The following KCNH5 variants were observed in gnomAD, a reference collection of about 807,000 sequenced individuals.
KCNH5 encodes the protein potassium voltage-gated channel subfamily H member 5.
KCNH5 carries 46 observed loss-of-function variants against 96.1 expected under a neutral mutation model. The observed-to-expected ratio is 0.48, with a 90% CI of 0.38 to 0.61. The LOEUF (loss-of-function observed/expected upper bound fraction) is 0.61. Among genes scored for constraint, KCNH5 ranks in the 20% least tolerant of loss-of-function variants. KCNH5 has a pLI of 0.00. For synonymous variants in KCNH5, 439 were observed against 449.8 expected, an observed-to-expected ratio of 0.98 and a Z score of 0.30; for missense variants, 907 against 1,225.8, an observed-to-expected ratio of 0.74 and a Z score of 3.88.
intron 8 of KCNH5, among the ~76,000 whole-genome samples, chr14:62,823,052 A>G (rs964604555): frequency 3.9e-5 from 6 of 151,972 alleles, no homozygotes; most frequent in Non-Finnish European, 7.4e-5. Flanking sequence ...CTAATTCAGC[A>G]TGCTCTCCAG....
rs750395092 is a variant in KCNH5, at chr14:62,707,672, C to T, written c.2803G>A (p.Val935Met). 9 of 1,589,508 alleles carry T rather than the reference C, an allele frequency of 5.7e-6. No homozygotes were observed. The highest frequency in any genetic ancestry group is 7.7e-6 in the Non-Finnish European group (9 of 1,163,544). Residue 935 changes from valine to methionine, a missense_variant, in exon 11 of 11, where the codon GTG (valine) becomes ATG (methionine). Coordinates refer to ENST00000322893, the MANE Select transcript of KCNH5 (RefSeq NM_139318.5). ...GACAGTATTTTTAAAATTTCTGCCA[C>T]CTGCTTTTCTAGGGCAGTCATTCTG... ...SCRMTALEKQ[V>M]AEILKILSEK...
intron 4 of KCNH5, among the ~76,000 whole-genome samples, chr14:62,990,785 A>C (rs1890794149): frequency 6.6e-6 from 1 of 152,088 alleles, no homozygotes; most frequent in Non-Finnish European, 1.5e-5. Flanking sequence ...AAAGAGGTTT[A>C]ATTGACTCAC....
At chr14:62,914,015 A>T (rs1336172156) in intron 7 of KCNH5, among the ~76,000 whole-genome samples, 2 of 152,214 alleles carry the variant, frequency 1.3e-5, no homozygotes, top group African/African-American at 4.8e-5. Flanking sequence ...AAATCCCAGT[A>T]ATGAATGTAA....
intron 10 of KCNH5, among the ~76,000 whole-genome samples, chr14:62,717,919 C>A (rs1397884527): frequency 6.6e-6 from 1 of 152,166 alleles, no homozygotes; most frequent in Non-Finnish European, 1.5e-5. Flanking sequence ...GTGGTATACA[C>A]CACGGAATAC....
At chr14:62,893,141 C>T (rs558374285) in intron 7 of KCNH5, among the ~76,000 whole-genome samples, 67 of 152,098 alleles carry the variant, frequency 4.4e-4, no homozygotes, top group Non-Finnish European at 8.4e-4. Flanking sequence ...ATTCTAGAGG[C>T]CATTTGGAAC....
At chr14:62,888,374 A>G (rs2140082801) in intron 7 of KCNH5, among the ~76,000 whole-genome samples, 1 of 152,318 alleles carries the variant, frequency 6.6e-6, no homozygotes, top group South Asian at 2.1e-4. Flanking sequence ...CTGTAATTCA[A>G]TAGATGAAAT....
rs1885254439 is a variant in KCNH5 at position 62,740,701 on chromosome 14, C to T, written c.2020-32246G>A. Among the ~76,000 whole-genome samples, 5 of 152,014 alleles carry T rather than the reference C, an allele frequency of 3.3e-5. No individual in the cohort carries two copies. In the South Asian group the frequency reaches 1.0e-3, roughly 32 times the overall value. The stretch of plus-strand genomic sequence containing the variant: ...TGAGCTACACATAAAAGATATTTAA[C>T]ATGGAGGTAGAAATGCAGGTTAGTG... On this transcript the variant is annotated intron_variant, in intron 10 of 10. Coordinates refer to ENST00000322893, the MANE Select transcript of KCNH5 (RefSeq NM_139318.5).
At chr14:62,931,350 A>T (rs1406007393) in intron 7 of KCNH5, among the ~76,000 whole-genome samples, 2 of 152,138 alleles carry the variant, frequency 1.3e-5, no homozygotes, top group Non-Finnish European at 1.5e-5. Flanking sequence ...ATGACAGAGG[A>T]GCATGAACCA....
intron 10 of KCNH5, among the ~76,000 whole-genome samples, chr14:62,764,393 A>G (rs1013956684): frequency 2.6e-5 from 4 of 152,212 alleles, no homozygotes; most frequent in African/African-American, 9.6e-5. Context: ...AGAGCCACTT[A>G]TGACAAACCC....
At chr14:62,923,079 G>C (rs2140109881) in intron 7 of KCNH5, among the ~76,000 whole-genome samples, 1 of 151,794 alleles carries the variant, frequency 6.6e-6, no homozygotes, top group East Asian at 1.9e-4. Context: ...TAATCATAAA[G>C]ACTTCATGAC....
chr14:62,996,361 T>G (rs1178189845), intron 4 of KCNH5, among the ~76,000 whole-genome samples: 1 of 152,188 alleles, frequency 6.6e-6, no homozygotes, highest in African/African-American at 2.4e-5. Context: ...CAGAGAAGTC[T>G]CAAAAGTCTA....
At chr14:62,814,145 T>C (rs1886925988) in intron 8 of KCNH5, among the ~76,000 whole-genome samples, 1 of 152,236 alleles carries the variant, frequency 6.6e-6, no homozygotes, top group Admixed American at 6.5e-5. Flanking sequence ...ATAAAGTTCC[T>C]GTGACTAGAC....
chr14:62,710,215 G>A (rs1884539695), intron 10 of KCNH5, among the ~76,000 whole-genome samples: 1 of 152,190 alleles, frequency 6.6e-6, no homozygotes, highest in Non-Finnish European at 1.5e-5. Context: ...TTTCTAAAAT[G>A]AGATTGATGC....
At chr14:62,780,956 G>A (rs1566658303) in intron 9 of KCNH5, among the ~76,000 whole-genome samples, 1 of 152,060 alleles carries the variant, frequency 6.6e-6, no homozygotes. Context: ...TCAAACCACA[G>A]AGGTGAGCAA....
Position 62,706,564 on chromosome 14 carries a change from A to C in KCNH5, c.*944T>G, listed in dbSNP as rs1884436808. On this transcript the variant is annotated 3_prime_UTR_variant, in exon 11 of 11. Coordinates refer to ENST00000322893, the MANE Select transcript of KCNH5 (RefSeq NM_139318.5). ...GTTAGCATTTTGATATGATTACTTA[A>C]ATGCTTTATTTTTTGTATGTTTCTT... The C allele has an allele frequency of 6.6e-6, 1 of 152,068 alleles. No individual in the cohort carries two copies. Among genetic ancestry groups the C allele is most frequent in the Admixed American group, 6.6e-5 (1 of 15,266 alleles). 9.4% of individuals were successfully genotyped at this position (152,068 alleles called of 1,614,324 possible).
At chr14:62,765,238 A>G (rs1885834609) in intron 10 of KCNH5, among the ~76,000 whole-genome samples, 2 of 152,092 alleles carry the variant, frequency 1.3e-5, no homozygotes, top group South Asian at 4.1e-4. Flanking sequence ...AACCATCTGA[A>G]CTTTGAGAAA....
chr14:62,741,547 C>T (rs756524590), intron 10 of KCNH5, among the ~76,000 whole-genome samples: 1 of 152,036 alleles, frequency 6.6e-6, no homozygotes, highest in African/African-American at 2.4e-5. Flanking sequence ...TGGTCCCCTC[C>T]CCCAACCCAA....
At chr14:63,034,100 A>T (rs1325601517) in intron 1 of KCNH5, among the ~76,000 whole-genome samples, 1 of 152,008 alleles carries the variant, frequency 6.6e-6, no homozygotes, top group African/African-American at 2.4e-5. Flanking sequence ...TTTGTATTTT[A>T]GTAGAGGCGG....
intron 6 of KCNH5, among the ~76,000 whole-genome samples, chr14:62,972,002 A>T (rs1268502959): frequency 3.3e-5 from 5 of 152,186 alleles, no homozygotes; most frequent in African/African-American, 4.8e-5. Context: ...ATAATTGATA[A>T]GCTGGACTTC....
Sources: allele counts gnomAD v4.1 joint callset (sites outside exome capture counted in the v4.1 genomes callset), GRCh38; gene constraint gnomAD v4.1.1; transcripts MANE v1.5; gene names NCBI Gene and HGNC (gene_info 2026-07-23, HGNC 2026-07-21).